Variants in AGBL1 observed in about 807,000 individuals in gnomAD.
AGBL1 encodes the protein cytosolic carboxypeptidase 4.
Under a neutral mutation model 118.9 loss-of-function variants are expected in AGBL1, and 130 were observed. That is an observed-to-expected ratio of 1.09 (90% CI 0.95 to 1.26). The LOEUF (loss-of-function observed/expected upper bound fraction) is 1.26, where lower values mean the gene tolerates loss of function less well. Among genes scored for constraint, AGBL1 ranks in the 50% most tolerant of loss-of-function variants. The pLI, the probability that AGBL1 is intolerant of heterozygous loss-of-function variation, is 0.00. For synonymous variants in AGBL1, 555 were observed against 478.9 expected (o/e 1.16, Z -2.08); for missense variants, 1,584 against 1,298.1 (o/e 1.22, Z -3.38).
intron 22 of AGBL1, among the ~76,000 whole-genome samples, chr15:86,746,025 T>C (rs1012075427): frequency 1.3e-5 from 2 of 152,026 alleles, no homozygotes; most frequent in Non-Finnish European, 2.9e-5. Context: ...AGTGACCCAT[T>C]TGGTTCCTGT....
chr15:86,382,796 C>T (rs753480217), intron 17 of AGBL1, among the ~76,000 whole-genome samples: 4 of 152,060 alleles, frequency 2.6e-5, no homozygotes, highest in Non-Finnish European at 2.9e-5. Context: ...TTTAAATTAA[C>T]ATAAGCCCAT....
At chr15:86,680,060 A>C (rs1276068261) in intron 22 of AGBL1, among the ~76,000 whole-genome samples, 1 of 152,156 alleles carries the variant, frequency 6.6e-6, no homozygotes, top group Non-Finnish European at 1.5e-5. Flanking sequence ...GAACATGTAC[A>C]TACTGCCTGT....
At chr15:86,145,637 A>T (rs1274591206) in intron 3 of AGBL1, among the ~76,000 whole-genome samples, 1 of 152,160 alleles carries the variant, frequency 6.6e-6, no homozygotes, top group African/African-American at 2.4e-5. Flanking sequence ...GCTGATAATG[A>T]TGGAGAACTA....
chr15:86,271,610 T>A lies in AGBL1; in HGVS notation c.1988-9T>A, dbSNP rs1433433609. 2 of 1,599,750 alleles carry A rather than the reference T, an allele frequency of 1.3e-6. No homozygotes were observed. The highest frequency in any genetic ancestry group is 2.2e-5 in the East Asian group (1 of 44,854). On this transcript the variant is annotated splice_polypyrimidine_tract_variant and intron_variant, in intron 14 of 22. Transcript: ENST00000614907. ...CCTCATGGATTAATTCCTTTCTGAT[T>A]TTGTGTAGGGATGCAGCCCACCCTA... is the stretch of plus-strand genomic sequence containing the variant.
At chr15:86,634,731 T>C (rs983638494) in intron 21 of AGBL1, among the ~76,000 whole-genome samples, 1 of 152,094 alleles carries the variant, frequency 6.6e-6, no homozygotes, top group African/African-American at 2.4e-5. Context: ...AAAACCATCA[T>C]AAAAAAGAAA....
chr15:86,769,782 A>G (rs2141286314), intron 22 of AGBL1, among the ~76,000 whole-genome samples: 1 of 152,136 alleles, frequency 6.6e-6, no homozygotes, highest in Non-Finnish European at 1.5e-5. Context: ...TGCAAGGCTC[A>G]TTTAGAGACA....
Position 86,601,031 on chromosome 15 carries a change from T to C in AGBL1, c.2994+46494T>C, listed in dbSNP as rs552813828. Reference sequence around the variant, plus strand: ...AACTTCTCTTTTTGCAAAACCCTCCTGGATATTAAAATACCCTAGGATTGG... The same window carrying C: ...AACTTCTCTTTTTGCAAAACCCTCCCGGATATTAAAATACCCTAGGATTGG... On this transcript the variant is annotated intron_variant, in intron 21 of 22. Transcript: ENST00000614907. Among the ~76,000 whole-genome samples the C allele has an allele frequency of 2.0e-5, 3 of 152,276 alleles. No individual in the cohort carries two copies. In the South Asian group the frequency reaches 6.2e-4, roughly 32 times the overall value.
rs764626755 is a variant in AGBL1, at chr15:86,397,379, T to A, written c.2388T>A (p.Tyr796Ter). Residue 796 changes from tyrosine (Y) to a stop codon, truncating the protein, a stop_gained, in exon 18 of 23, where the codon TAT becomes TAA. Coordinates refer to ENST00000614907, the MANE Select transcript of AGBL1 (RefSeq NM_001386094.1). LOFTEE classifies it high-confidence loss of function. ...EHLEQFRHRP[Y>*]QVITARVHPG... is the part of the protein sequence containing the mutation. ...CTTTTTCTGCAGGACATCGTCCATATCAGGTGATCACTGCTCGAGTTCATC... is the reference window on the plus strand; with the variant it reads ...CTTTTTCTGCAGGACATCGTCCATAACAGGTGATCACTGCTCGAGTTCATC... 2.5e-6 allele frequency: 4 copies of A among 1,595,870 alleles called. No individual in the cohort carries two copies. The highest frequency in any genetic ancestry group is 3.4e-6 in the Non-Finnish European group (4 of 1,168,824).
At chr15:86,629,757 C>G (rs1263078198) in intron 21 of AGBL1, among the ~76,000 whole-genome samples, 2 of 152,142 alleles carry the variant, frequency 1.3e-5, no homozygotes, top group Non-Finnish European at 2.9e-5. Context: ...AAAACCCTCT[C>G]AGAATTTCCC....
chr15:86,309,472 T>A (rs953550900), intron 17 of AGBL1, among the ~76,000 whole-genome samples: 2 of 152,248 alleles, frequency 1.3e-5, no homozygotes, highest in African/African-American at 4.8e-5. Flanking sequence ...GTAGGCATCC[T>A]TGTCTTACTC....
intron 19 of AGBL1, among the ~76,000 whole-genome samples, chr15:86,534,868 A>T (rs1394724797): frequency 6.6e-6 from 1 of 152,200 alleles, no homozygotes. Context: ...CATAAATTGA[A>T]CAGTGTTTGC....
At chr15:86,365,558 G>C (rs995728134) in intron 17 of AGBL1, among the ~76,000 whole-genome samples, 2 of 152,106 alleles carry the variant, frequency 1.3e-5, no homozygotes, top group African/African-American at 4.8e-5. Context: ...TTGAATTTTT[G>C]CCTCTTATGT....
chr15:86,475,185 A>G (rs1434072479), intron 18 of AGBL1, among the ~76,000 whole-genome samples: 1 of 152,222 alleles, frequency 6.6e-6, no homozygotes, highest in Non-Finnish European at 1.5e-5. Flanking sequence ...CTCCAAAGGA[A>G]CGCGACTCAT....
chr15:86,157,164 G>A (rs1317023293), intron 4 of AGBL1, among the ~76,000 whole-genome samples: 2 of 152,204 alleles, frequency 1.3e-5, no homozygotes, highest in Middle Eastern at 3.4e-3. Flanking sequence ...ATTTCTGGGG[G>A]AATAATGGGA....
At chr15:86,552,061 A>G (rs2083670564) in intron 20 of AGBL1, among the ~76,000 whole-genome samples, 1 of 152,194 alleles carries the variant, frequency 6.6e-6, no homozygotes, top group Non-Finnish European at 1.5e-5. Flanking sequence ...TATTGAGTAC[A>G]CATCATTATA....
intron 22 of AGBL1, among the ~76,000 whole-genome samples, chr15:86,774,413 A>C (rs2078223509): frequency 6.6e-6 from 1 of 152,152 alleles, no homozygotes; most frequent in African/African-American, 2.4e-5. Flanking sequence ...TCTTTAATAC[A>C]TACTTTTGTT....
intron 12 of AGBL1, 133 bp from the exon 13 acceptor site, chr15:86,266,857 C>T (rs183594203): frequency 6.6e-4 from 510 of 773,314 alleles, no homozygotes; most frequent in Non-Finnish European, 7.9e-4. Context: ...GCTGACATCC[C>T]GCCCTGCACT....
chr15:86,912,152 G>T lies in AGBL1; in HGVS notation c.*4858G>T, dbSNP rs2080360790. On this transcript the variant is annotated 3_prime_UTR_variant, in exon 23 of 23. Transcript: ENST00000614907. ...TGTGTTATAGACAGGGAAACACAAA[G>T]AAGAGTTTGTGTTGTAGTTTCACTA... is the stretch of plus-strand genomic sequence containing the variant. The T allele has an allele frequency of 6.6e-6, 1 of 152,170 alleles. No homozygotes were observed. Among genetic ancestry groups the T allele is most frequent in the African/African-American group, 2.4e-5 (1 of 41,436 alleles). The allele number at this position is 152,170 out of a possible 1,614,324, so 9.4% of individuals were successfully genotyped here.
At chr15:86,133,713 C>T (rs1470744912) in intron 1 of AGBL1, among the ~76,000 whole-genome samples, 6 of 152,184 alleles carry the variant, frequency 3.9e-5, no homozygotes, top group Non-Finnish European at 8.8e-5. Context: ...TTATATAAGA[C>T]TCAATGTGTG....
Sources: allele counts gnomAD v4.1 joint callset (sites outside exome capture counted in the v4.1 genomes callset), GRCh38; gene constraint gnomAD v4.1.1; transcripts MANE v1.5; gene names NCBI Gene and HGNC (gene_info 2026-07-23, HGNC 2026-07-21).